Variants in CREBBP observed in about 807,000 individuals in gnomAD.
CREBBP encodes CREB binding lysine acetyltransferase, also known as CREB-binding protein.
Under a neutral mutation model 265.0 loss-of-function variants are expected in CREBBP, and 19 were observed. The ratio of observed to expected loss-of-function variants is 0.07; its 90% CI spans 0.05 to 0.11. The LOEUF (loss-of-function observed/expected upper bound fraction) is 0.11, where lower values mean the gene tolerates loss of function less well. Among genes scored for constraint, CREBBP ranks in the 10% least tolerant of loss-of-function variants. CREBBP has a pLI of 1.00. For missense variants in CREBBP, 2,525 were observed against 3,219.0 expected, an observed-to-expected ratio of 0.78 and a Z score of 5.22; for synonymous variants, 1,457 against 1,223.7, an observed-to-expected ratio of 1.19 and a Z score of -3.98.
At chr16:3,741,559 C>G (rs1488646090) in intron 23 of CREBBP, 1 of 151,202 alleles carries the variant, frequency 6.6e-6, no homozygotes, top group Non-Finnish European at 1.5e-5. Flanking sequence ...AATCCCAGCA[C>G]TTTGGGAGGC....
intron 1 of CREBBP, among the ~76,000 whole-genome samples, chr16:3,867,757 TAA>T (rs756198312): frequency 3.8e-4 from 36 of 94,512 alleles, no homozygotes; most frequent in Admixed American, 8.3e-4. Context: ...GTATCTCTAC[TAA>T]AAAAAAAAAA....
At chr16:3,749,304 C>T (rs2052420618) in intron 21 of CREBBP, among the ~76,000 whole-genome samples, 1 of 152,170 alleles carries the variant, frequency 6.6e-6, no homozygotes, top group Admixed American at 6.5e-5. Context: ...CCAAATACTC[C>T]TAACCTTTGG....
chr16:3,762,336 C>T (rs927738118), intron 16 of CREBBP, among the ~76,000 whole-genome samples: 9 of 150,124 alleles, frequency 6.0e-5, no homozygotes, highest in South Asian at 2.1e-4. Context: ...ATTCAAATTC[C>T]GTGCTGAGGA....
rs1432451714 is a variant in CREBBP at position 3,729,758 on chromosome 16, G to C, written c.5289C>G (p.Ser1763Arg). 6.2e-7 allele frequency: 1 copy of C among 1,608,314 alleles called. No individual in the cohort carries two copies. The highest frequency in any genetic ancestry group is 8.5e-7 in the Non-Finnish European group (1 of 1,179,454). Residue 1763 changes from serine to arginine, a missense_variant, in exon 31 of 31, where the codon AGC becomes AGG. Around this residue, in one of 19 missense-constraint regions of CREBBP, gnomAD observed 62 missense variants for 156.2 expected, o/e 0.40. Coordinates refer to ENST00000262367, the MANE Select transcript of CREBBP (RefSeq NM_004380.3). ...TGCTCAGCCGGCGTGACTCCTGGGGGCTCTTTGACTGTGGCTCGCCCTGGC... is the reference window on the plus strand; with the variant it reads ...TGCTCAGCCGGCGTGACTCCTGGGGCCTCTTTGACTGTGGCTCGCCCTGGC... ...GSSQGEPQSKSPQESRRLSIQ... is the reference protein window; with the variant it reads ...GSSQGEPQSKRPQESRRLSIQ...
intron 21 of CREBBP, chr16:3,745,799 T>C: frequency 3.4e-6 from 1 of 294,952 alleles, no homozygotes; most frequent in Non-Finnish European, 6.5e-6. Flanking sequence ...TTGTTGAGGA[T>C]ACTAATGGGA....
intron 19 of CREBBP, among the ~76,000 whole-genome samples, chr16:3,754,360 T>G (rs1425150191): frequency 6.6e-6 from 1 of 152,202 alleles, no homozygotes; most frequent in African/African-American, 2.4e-5. Context: ...TGCCCCTACC[T>G]TCTTACCTAG....
intron 2 of CREBBP, among the ~76,000 whole-genome samples, chr16:3,825,866 T>C (rs1411189192): frequency 6.6e-6 from 1 of 152,242 alleles, no homozygotes; most frequent in Non-Finnish European, 1.5e-5. Context: ...TTCATAATCA[T>C]ATGAACAGGT....
At chr16:3,773,679 GA>G (rs753758359) in intron 13 of CREBBP, 71 bp downstream of exon 13, 295 of 1,311,422 alleles carry the variant, frequency 2.2e-4, no homozygotes, top group Admixed American at 7.1e-4. Flanking sequence ...AAGGAAGACA[GA>G]AAAAAAAAAC....
At chr16:3,839,409 G>C (rs2054520535) in intron 2 of CREBBP, among the ~76,000 whole-genome samples, 1 of 152,142 alleles carries the variant, frequency 6.6e-6, no homozygotes. Context: ...GGCTGGGTGA[G>C]GTGGCTCATG....
At chr16:3,781,016 T>G (rs2053261719) in intron 7 of CREBBP, 138 bp from the exon 8 acceptor site, 2 of 1,137,350 alleles carry the variant, frequency 1.8e-6, no homozygotes, top group East Asian at 5.1e-5. Flanking sequence ...TAAATAAAAC[T>G]TAAACTATGT....
intron 26 of CREBBP, among the ~76,000 whole-genome samples, chr16:3,737,607 C>T (rs1006102166): frequency 6.6e-6 from 1 of 151,706 alleles, no homozygotes; most frequent in African/African-American, 2.4e-5. Flanking sequence ...TTACGCTAGG[C>T]ACCCGCCACC....
chr16:3,829,317 A>G (rs575200259), intron 2 of CREBBP, among the ~76,000 whole-genome samples: 4 of 152,246 alleles, frequency 2.6e-5, no homozygotes, highest in Admixed American at 1.3e-4. Context: ...GATAACGTTT[A>G]AAGTGTGAAA....
intron 3 of CREBBP, among the ~76,000 whole-genome samples, chr16:3,799,919 T>C (rs2053679017): frequency 6.6e-6 from 1 of 152,158 alleles, no homozygotes; most frequent in Non-Finnish European, 1.5e-5. Context: ...ACTATTTTAA[T>C]ACCAAAAAGC....
At chr16:3,825,714 A>G (rs751041373) in intron 2 of CREBBP, among the ~76,000 whole-genome samples, 3 of 152,224 alleles carry the variant, frequency 2.0e-5, no homozygotes, top group Non-Finnish European at 4.4e-5. Context: ...TATTTTAAAA[A>G]TTACTAAGAC....
At chr16:3,825,470 T>C (rs1016394761) in intron 2 of CREBBP, among the ~76,000 whole-genome samples, 1 of 152,182 alleles carries the variant, frequency 6.6e-6, no homozygotes, top group Non-Finnish European at 1.5e-5. Context: ...AATTAGTTGA[T>C]AAGCATTTAT....
chr16:3,864,437 T>C (rs2055137872), intron 1 of CREBBP, among the ~76,000 whole-genome samples: 1 of 151,996 alleles, frequency 6.6e-6, no homozygotes, highest in Admixed American at 6.6e-5. Context: ...TTGGGTCCAG[T>C]AGTTCAAGAC....
chr16:3,752,908 A>C (rs2052506554), intron 19 of CREBBP, among the ~76,000 whole-genome samples: 1 of 152,240 alleles, frequency 6.6e-6, no homozygotes, highest in Non-Finnish European at 1.5e-5. Context: ...AATGTTTGGA[A>C]AGGACATAAA....
intron 23 of CREBBP, chr16:3,743,081 C>T (rs2052256047): frequency 6.6e-6 from 1 of 152,200 alleles, no homozygotes. Flanking sequence ...TCCTCTGAAG[C>T]AGGGCCTCTC....
chr16:3,793,001 TGTGCCTGCAC>T (rs2053536980), intron 4 of CREBBP, among the ~76,000 whole-genome samples: 1 of 152,144 alleles, frequency 6.6e-6, no homozygotes, highest in Non-Finnish European at 1.5e-5. Context: ...AGGAAGGGCG[TGTGCCTGCAC>T]GTGCCTGTGC....
Sources: gnomAD v4.1 joint callset for allele counts (sites outside exome capture counted in the v4.1 genomes callset) on GRCh38, gnomAD v4.1.1 for gene constraint, gnomAD v4.1.1 regional missense constraint, MANE v1.5 for transcripts, NCBI Gene and HGNC (gene_info 2026-07-23, HGNC 2026-07-21) for gene names.